FNDC3B: variants seen among roughly 807,000 people sequenced by gnomAD.
FNDC3B encodes fibronectin type III domain containing 3B, also known as fibronectin type III domain-containing protein 3B.
Under a neutral mutation model 151.5 loss-of-function variants are expected in FNDC3B, and 12 were observed. The observed-to-expected ratio is 0.08, with a 90% CI of 0.05 to 0.13. The LOEUF (loss-of-function observed/expected upper bound fraction) is 0.13, where lower values mean the gene tolerates loss of function less well. Ranked by LOEUF, FNDC3B falls within the 10% of genes least tolerant of loss-of-function variation. The pLI is 1.00. For synonymous variants in FNDC3B, 528 were observed against 549.0 expected (o/e 0.96, Z 0.54); for missense variants, 1,214 against 1,505.3 (o/e 0.81, Z 3.20).
chr3:172,144,192 G>A (rs566155920), intron 3 of FNDC3B, among the ~76,000 whole-genome samples: 4 of 152,118 alleles, frequency 2.6e-5, no homozygotes, highest in African/African-American at 9.6e-5. Flanking sequence ...GAAGGGAGAG[G>A]TCCCAGACTC....
intron 11 of FNDC3B, among the ~76,000 whole-genome samples, chr3:172,327,679 C>G (rs1208185916): frequency 6.6e-6 from 1 of 152,228 alleles, no homozygotes; most frequent in Non-Finnish European, 1.5e-5. Context: ...GCTGGGATTA[C>G]AGGCGTGAGC....
At chr3:172,334,270 C>T (rs1239356207) in intron 14 of FNDC3B, among the ~76,000 whole-genome samples, 2 of 152,004 alleles carry the variant, frequency 1.3e-5, no homozygotes, top group Non-Finnish European at 2.9e-5. Context: ...AACGTTTCTC[C>T]ACAAGGTGGC....
Position 172,357,364 on chromosome 3 carries a change from C to G in FNDC3B, c.2795+4281C>G, listed in dbSNP as rs546906851. ...TTAAACTGACATAATGCAAATTAAA[C>G]AAAACAAAGAGACCTGCAGATTTTA... On this transcript the variant is annotated intron_variant, in intron 22 of 25. Transcript: ENST00000415807. Among the ~76,000 whole-genome samples, 26 of 151,648 alleles carry G rather than the reference C, an allele frequency of 1.7e-4. No homozygotes were observed. The South Asian group carries it at 5.4e-3, about 32-fold the overall frequency.
chr3:172,257,073 G>A (rs373770839), intron 6 of FNDC3B, among the ~76,000 whole-genome samples: 198 of 152,166 alleles, frequency 1.3e-3, no homozygotes, highest in African/African-American at 4.1e-3. Context: ...ACCATGCCTG[G>A]CTAATTTTTG....
intron 1 of FNDC3B, among the ~76,000 whole-genome samples, chr3:172,072,154 G>A (rs1017111704): frequency 5.4e-5 from 8 of 147,132 alleles, no homozygotes; most frequent in South Asian, 4.5e-4. Flanking sequence ...TCTAGTATGC[G>A]TATGCCCATT....
At chr3:172,329,141 A>C in intron 12 of FNDC3B, 65 bp downstream of exon 12, 6 of 1,548,506 alleles carry the variant, frequency 3.9e-6, no homozygotes, top group Non-Finnish European at 5.3e-6. Flanking sequence ...CTTCTTTTAC[A>C]TAGCTGGAAG....
intron 3 of FNDC3B, among the ~76,000 whole-genome samples, chr3:172,144,636 A>G (rs1721804750): frequency 6.6e-6 from 1 of 152,230 alleles, no homozygotes; most frequent in Admixed American, 6.5e-5. Context: ...TGAGAGCACT[A>G]AACATTTTGT....
intron 3 of FNDC3B, among the ~76,000 whole-genome samples, chr3:172,181,395 CAAAAA>C (rs755223783): frequency 1.4e-5 from 1 of 71,532 alleles, no homozygotes; most frequent in South Asian, 6.3e-4. Flanking sequence ...ACTCTGTCTC[CAAAAA>C]AAAAAAAAAA....
intron 4 of FNDC3B, among the ~76,000 whole-genome samples, chr3:172,230,503 CAA>C (rs35745761): frequency 2.1e-4 from 23 of 111,578 alleles, no homozygotes; most frequent in East Asian, 1.2e-3. Context: ...GACTCTGTCT[CAA>C]AAAAAAAAAA....
chr3:172,225,466 AT>A, intron 3 of FNDC3B: 1 of 237,002 alleles, frequency 4.2e-6, no homozygotes, highest in Non-Finnish European at 8.7e-6. Context: ...GTCAGACAAT[AT>A]TTGCCACAAT....
At chr3:172,178,290 G>A (rs1216656371) in intron 3 of FNDC3B, among the ~76,000 whole-genome samples, 1 of 152,030 alleles carries the variant, frequency 6.6e-6, no homozygotes, top group East Asian at 1.9e-4. Flanking sequence ...AAAGGATGCT[G>A]ACCTGTGGAC....
intron 1 of FNDC3B, among the ~76,000 whole-genome samples, chr3:172,046,452 G>C (rs919278258): frequency 6.6e-6 from 1 of 151,638 alleles, no homozygotes; most frequent in Non-Finnish European, 1.5e-5. Flanking sequence ...GCTATAGCTA[G>C]GACTATAGGT....
chr3:172,272,032 C>T (rs544069328), intron 6 of FNDC3B, among the ~76,000 whole-genome samples: 9 of 152,252 alleles, frequency 5.9e-5, no homozygotes, highest in South Asian at 2.1e-4. Context: ...TCTAGATCAC[C>T]GTTGGGCTTA....
intron 1 of FNDC3B, among the ~76,000 whole-genome samples, chr3:172,107,535 C>A (rs1442309911): frequency 6.6e-6 from 1 of 152,062 alleles, no homozygotes; most frequent in African/African-American, 2.4e-5. Context: ...ATAGATTTGG[C>A]CAGCTCAGAT....
At chr3:172,346,836 T>A (rs1354825025) in intron 20 of FNDC3B, among the ~76,000 whole-genome samples, 7 of 152,124 alleles carry the variant, frequency 4.6e-5, no homozygotes, top group African/African-American at 1.7e-4. Flanking sequence ...CCTGAGTAGC[T>A]GGGATTACAG....
At chr3:172,039,806 C>G (rs1576807535) in intron 1 of FNDC3B, 35 bp downstream of exon 1, 2 of 152,886 alleles carry the variant, frequency 1.3e-5, no homozygotes, top group Admixed American at 1.3e-4. Flanking sequence ...TAGAGGAGAC[C>G]GGGACCCCGA....
intron 4 of FNDC3B, among the ~76,000 whole-genome samples, chr3:172,246,282 C>T (rs980591950): frequency 1.6e-4 from 25 of 151,974 alleles, no homozygotes; most frequent in African/African-American, 5.8e-4. Context: ...GGCAGCCTGG[C>T]CCTCACTGCC....
chr3:172,371,457 C>T (rs1306323432), intron 23 of FNDC3B, among the ~76,000 whole-genome samples: 1 of 152,174 alleles, frequency 6.6e-6, no homozygotes, highest in Non-Finnish European at 1.5e-5. Context: ...AACATTAAAA[C>T]TCATGCGTGC....
intron 3 of FNDC3B, among the ~76,000 whole-genome samples, chr3:172,134,713 A>T (rs1055971010): frequency 6.6e-6 from 1 of 152,052 alleles, no homozygotes; most frequent in Non-Finnish European, 1.5e-5. Flanking sequence ...AATGAGTTTT[A>T]ATTGAAGTTA....
Sources: gnomAD v4.1 joint callset for allele counts (sites outside exome capture counted in the v4.1 genomes callset) on GRCh38, gnomAD v4.1.1 for gene constraint, MANE v1.5 for transcripts, NCBI Gene and HGNC (gene_info 2026-07-23, HGNC 2026-07-21) for gene names.